Variants in PTPN13 observed in about 807,000 individuals in gnomAD.
The protein encoded by PTPN13 is protein tyrosine phosphatase non-receptor type 13, also known as tyrosine-protein phosphatase non-receptor type 13.
In PTPN13, 191 loss-of-function variants were observed where a neutral mutation model predicts 284.0. The observed-to-expected ratio is 0.67, with a 90% CI of 0.60 to 0.76. The LOEUF is 0.76. Ranked by LOEUF, PTPN13 falls within the 30% of genes least tolerant of loss-of-function variation. The probability of loss-of-function intolerance (pLI) is 0.00; values close to 1 mark genes in which losing one functional copy is unlikely to be tolerated. For synonymous variants in PTPN13, 986 were observed against 1,022.3 expected (o/e 0.96, Z 0.68); for missense variants, 2,797 against 2,939.9 (o/e 0.95, Z 1.12).
chr4:86,621,706 T>C (rs1389520521), intron 1 of PTPN13, among the ~76,000 whole-genome samples: 1 of 152,240 alleles, frequency 6.6e-6, no homozygotes, highest in Non-Finnish European at 1.5e-5. Context: ...TGCATTACTT[T>C]TTTAAACATA....
intron 4 of PTPN13, among the ~76,000 whole-genome samples, chr4:86,687,170 C>T (rs1351412750): frequency 6.6e-6 from 1 of 152,060 alleles, no homozygotes; most frequent in Non-Finnish European, 1.5e-5. Context: ...TTTTTTGATG[C>T]AAAAACTCTA....
chr4:86,649,023 C>T lies in PTPN13; in HGVS notation c.115+13652C>T, dbSNP rs146727789. 1.3e-4 allele frequency among the ~76,000 whole-genome samples: 20 copies of T among 152,170 alleles called. No individual in the cohort carries two copies. The East Asian group carries it at 3.7e-3, about 28-fold the overall frequency. On this transcript the variant is annotated intron_variant, in intron 2 of 47. Transcript: ENST00000411767. ...TACTTCTTGGCCATTTGTATGTCTT[C>T]CTTTGAGAAATGTCTATTCAGATCC...
chr4:86,710,734 C>T (rs2149045961), intron 7 of PTPN13, among the ~76,000 whole-genome samples: 1 of 152,146 alleles, frequency 6.6e-6, no homozygotes, highest in East Asian at 1.9e-4. Flanking sequence ...ATAATAGAGT[C>T]ACTGTGAATT....
At chr4:86,741,898 A>G in intron 16 of PTPN13, 82 bp downstream of exon 16, 1 of 1,214,688 alleles carries the variant, frequency 8.2e-7, no homozygotes, top group Non-Finnish European at 1.1e-6. Flanking sequence ...GACTTTCCTT[A>G]GACTCTGCCA....
chr4:86,769,032 A>AC, intron 28 of PTPN13, among the ~76,000 whole-genome samples: 1 of 150,036 alleles, frequency 6.7e-6, no homozygotes, highest in African/African-American at 2.4e-5. Context: ...CTTTAAATAG[A>AC]TTTTTTTTTT....
rs566636868 is a variant in PTPN13, at chr4:86,766,751, A to G, written c.4329+234A>G. 13 of 343,746 alleles carry G rather than the reference A, an allele frequency of 3.8e-5. No homozygotes were observed. The South Asian group carries it at 9.7e-4, about 26-fold the overall frequency. The allele number at this position is 343,746 out of a possible 1,614,324, so 21.3% of individuals were successfully genotyped here. A position where few individuals can be genotyped will look rare whatever the true frequency, so the allele number is the denominator to read the frequency against. ...TGTCACATTTAACGCTTACATTACC[A>G]AAGAGATCTGATGGGGGAGGGATGG... On this transcript the variant is annotated intron_variant, in intron 27 of 47. Transcript: ENST00000411767.
At chr4:86,721,768 C>T (rs950508490) in intron 9 of PTPN13, among the ~76,000 whole-genome samples, 10 of 137,462 alleles carry the variant, frequency 7.3e-5, no homozygotes, top group Non-Finnish European at 1.2e-4. Flanking sequence ...TTCCTCTCCT[C>T]TCTTCTGTCA....
intron 1 of PTPN13, among the ~76,000 whole-genome samples, chr4:86,609,665 C>A (rs556452683): frequency 6.6e-5 from 10 of 152,182 alleles, no homozygotes; most frequent in African/African-American, 2.4e-4. Flanking sequence ...CCTCAGATTA[C>A]CTCATTAGTC....
Position 86,728,747 on chromosome 4 carries a change from G to A in PTPN13, c.1609-3653G>A, listed in dbSNP as rs528962685. ...AGCCTATGTGTTTCTCTGCACGTGA[G>A]ATGGGTCTCCTGAATACAGCACACT... is the stretch of plus-strand genomic sequence containing the variant. On this transcript the variant is annotated intron_variant, in intron 10 of 47. Transcript: ENST00000411767. Among the ~76,000 whole-genome samples, 18 of 137,846 alleles carry A rather than the reference G, an allele frequency of 1.3e-4. No individual in the cohort carries two copies. The East Asian group carries it at 3.8e-3, about 29-fold the overall frequency. 90.4% of individuals were successfully genotyped at this position (137,846 alleles called of 152,430 possible).
Position 86,718,481 on chromosome 4 carries a change from C to A in PTPN13, c.1385+1364C>A, listed in dbSNP as rs532184872. 3.1e-5 allele frequency among the ~76,000 whole-genome samples: 4 copies of A among 128,742 alleles called. No individual in the cohort carries two copies. In the South Asian group the frequency reaches 9.2e-4, roughly 30 times the overall value. 84.5% of individuals were successfully genotyped at this position (128,742 alleles called of 152,430 possible). ...TTTTTTTTTTTTTGAGACAGAGTCT[C>A]GCTTTGCTGCCCAGACTGTAATGCA... On this transcript the variant is annotated intron_variant, in intron 9 of 47. Transcript: ENST00000411767.
intron 40 of PTPN13, among the ~76,000 whole-genome samples, chr4:86,796,143 G>A (rs923204236): frequency 6.6e-6 from 1 of 152,196 alleles, no homozygotes; most frequent in African/African-American, 2.4e-5. Context: ...AGTATGAGTT[G>A]ACTAATCTTT....
chr4:86,620,935 T>C (rs906975605), intron 1 of PTPN13, among the ~76,000 whole-genome samples: 3 of 152,232 alleles, frequency 2.0e-5, no homozygotes, highest in African/African-American at 7.2e-5. Flanking sequence ...GATTTTTATC[T>C]TTTTGTTTAG....
chr4:86,711,970 C>G (rs1443539280), intron 7 of PTPN13, among the ~76,000 whole-genome samples: 1 of 152,066 alleles, frequency 6.6e-6, no homozygotes, highest in Non-Finnish European at 1.5e-5. Flanking sequence ...GTAGAAGCAT[C>G]TTTTTGGTTT....
At chr4:86,765,582 GA>G in intron 26 of PTPN13, 94 bp downstream of exon 26, 1 of 830,230 alleles carries the variant, frequency 1.2e-6, no homozygotes, top group Non-Finnish European at 1.9e-6. Flanking sequence ...TCAAATTCAT[GA>G]TATGAAATAA....
intron 4 of PTPN13, 125 bp from the exon 5 acceptor site, chr4:86,688,880 T>A (rs542667056): frequency 1.5e-6 from 1 of 653,694 alleles, no homozygotes; most frequent in Non-Finnish European, 2.4e-6. Flanking sequence ...TAAAAAGGAA[T>A]TTATTTCCTC....
chr4:86,741,228 A>T (rs1736135321), intron 15 of PTPN13, among the ~76,000 whole-genome samples: 1 of 152,196 alleles, frequency 6.6e-6, no homozygotes, highest in African/African-American at 2.4e-5. Context: ...CTACTGTATT[A>T]GTCCATTTTC....
intron 2 of PTPN13, among the ~76,000 whole-genome samples, chr4:86,647,105 A>C (rs1370339349): frequency 1.1e-4 from 17 of 152,188 alleles, no homozygotes; most frequent in Admixed American, 1.1e-3. Context: ...AAAGAGCATG[A>C]GGAAACTTTT....
intron 10 of PTPN13, among the ~76,000 whole-genome samples, chr4:86,724,798 A>G (rs1055192234): frequency 6.6e-6 from 1 of 151,524 alleles, no homozygotes; most frequent in Non-Finnish European, 1.5e-5. Flanking sequence ...TGTGTTTCCC[A>G]TGGCAGACCA....
chr4:86,610,819 C>T (rs903945077), intron 1 of PTPN13, among the ~76,000 whole-genome samples: 18 of 152,208 alleles, frequency 1.2e-4, no homozygotes, highest in African/African-American at 3.1e-4. Context: ...AACAGCCTTA[C>T]ACTTGCATGA....
Sources: gnomAD v4.1 joint callset for allele counts (sites outside exome capture counted in the v4.1 genomes callset) on GRCh38, gnomAD v4.1.1 for gene constraint, MANE v1.5 for transcripts, NCBI Gene and HGNC (gene_info 2026-07-23, HGNC 2026-07-21) for gene names.